RERG: variants seen among roughly 807,000 people sequenced by gnomAD.
RERG encodes the protein RAS like estrogen regulated growth inhibitor, also known as ras-related and estrogen-regulated growth inhibitor.
RERG carries 25 observed loss-of-function variants against 23.2 expected under a neutral mutation model. The ratio of observed to expected loss-of-function variants is 1.08; its 90% CI spans 0.79 to 1.50. RERG has a LOEUF of 1.50. Among genes scored for constraint, RERG ranks in the 40% most tolerant of loss-of-function variants. The pLI is 0.00. For synonymous variants in RERG, 81 were observed against 89.1 expected (o/e 0.91, Z 0.51); for missense variants, 253 against 250.1 (o/e 1.01, Z -0.08).
intron 2 of RERG, among the ~76,000 whole-genome samples, chr12:15,203,214 T>A (rs909598071): frequency 6.6e-6 from 1 of 151,746 alleles, no homozygotes. Context: ...TATCTATTTT[T>A]AAAATTAACC....
intron 2 of RERG, among the ~76,000 whole-genome samples, chr12:15,174,494 G>A (rs1046671041): frequency 2.4e-4 from 36 of 151,092 alleles, no homozygotes; most frequent in Admixed American, 7.9e-4. Context: ...GTGTGTGTGT[G>A]TGTATATATA....
intron 2 of RERG, among the ~76,000 whole-genome samples, chr12:15,177,839 G>GTTTTTTTTTTT (rs11304470): frequency 1.8e-5 from 2 of 112,960 alleles, no homozygotes; most frequent in Non-Finnish European, 3.8e-5. Context: ...CCCTCTGTTT[G>GTTTTTTTTTTT]TTTTTTTTTT....
intron 2 of RERG, among the ~76,000 whole-genome samples, chr12:15,123,643 T>TTAA (rs58082245): frequency 0.7 from 102,861 of 147,902 alleles, 36,037 homozygotes; most frequent in African/African-American, 0.76. Flanking sequence ...TTATTAATTT[T>TTAA]TAAGTTTATT....
chr12:15,193,452 C>T lies in RERG; in HGVS notation c.61+23977G>A, dbSNP rs1251834283. 2.6e-5 allele frequency among the ~76,000 whole-genome samples: 4 copies of T among 152,242 alleles called. No individual in the cohort carries two copies. In the East Asian group the frequency reaches 7.7e-4, roughly 29 times the overall value. On this transcript the variant is annotated intron_variant, in intron 2 of 4. Transcript: ENST00000256953. ...CCACAAGATGTTCCATACCAATCTT[C>T]ATCCCATGCCCCAACCTTGAATCTA...
At chr12:15,125,051 C>G (rs1184542920) in intron 2 of RERG, among the ~76,000 whole-genome samples, 1 of 151,836 alleles carries the variant, frequency 6.6e-6, no homozygotes, top group African/African-American at 2.4e-5. Context: ...TGATTTATAT[C>G]ATTTTCATTC....
chr12:15,201,308 C>G (rs1865211389), intron 2 of RERG, among the ~76,000 whole-genome samples: 1 of 151,796 alleles, frequency 6.6e-6, no homozygotes, highest in African/African-American at 2.4e-5. Context: ...TTCTGTAAAT[C>G]AACTCAGACA....
intron 2 of RERG, among the ~76,000 whole-genome samples, chr12:15,146,488 G>A (rs530289079): frequency 3.0e-4 from 46 of 152,174 alleles, no homozygotes; most frequent in Non-Finnish European, 5.7e-4. Flanking sequence ...CAATGTCCTT[G>A]CAAAATAAGG....
At chr12:15,207,704 A>C (rs1366161529) in intron 2 of RERG, among the ~76,000 whole-genome samples, 1 of 151,948 alleles carries the variant, frequency 6.6e-6, no homozygotes, top group Non-Finnish European at 1.5e-5. Context: ...TGAAAACCTC[A>C]CAGGGGTAAA....
intron 2 of RERG, among the ~76,000 whole-genome samples, chr12:15,137,531 T>C (rs1039892017): frequency 6.2e-4 from 94 of 152,022 alleles, no homozygotes; most frequent in Middle Eastern, 6.8e-3. Context: ...TTTTTTATTA[T>C]ATCGATTTTA....
At chr12:15,130,175 G>C (rs896859124) in intron 2 of RERG, among the ~76,000 whole-genome samples, 6 of 152,082 alleles carry the variant, frequency 3.9e-5, no homozygotes, top group African/African-American at 1.4e-4. Flanking sequence ...TCATGCTCCA[G>C]GTACTGTGCT....
At chr12:15,162,599 T>C (rs1864630608) in intron 2 of RERG, among the ~76,000 whole-genome samples, 1 of 152,086 alleles carries the variant, frequency 6.6e-6, no homozygotes. Flanking sequence ...TGGGTGGGAG[T>C]ATTGAAGTGA....
intron 1 of RERG, among the ~76,000 whole-genome samples, chr12:15,220,987 A>G (rs980451734): frequency 2.0e-5 from 3 of 152,146 alleles, no homozygotes; most frequent in Non-Finnish European, 4.4e-5. Context: ...CTTAAGTCAA[A>G]AGGGCATTTT....
chr12:15,149,270 T>C (rs1330654166), intron 2 of RERG, among the ~76,000 whole-genome samples: 1 of 152,190 alleles, frequency 6.6e-6, no homozygotes, highest in Non-Finnish European at 1.5e-5. Flanking sequence ...CAAGACTTTT[T>C]CATCTATTTT....
chr12:15,198,881 T>C (rs959376491), intron 2 of RERG, among the ~76,000 whole-genome samples: 1 of 152,180 alleles, frequency 6.6e-6, no homozygotes, highest in Non-Finnish European at 1.5e-5. Flanking sequence ...TAGCGAATCA[T>C]GTGACTAGGT....
At chr12:15,174,140 G>C (rs180966970) in intron 2 of RERG, among the ~76,000 whole-genome samples, 268 of 152,026 alleles carry the variant, frequency 1.8e-3, no homozygotes, top group African/African-American at 6.4e-3. Flanking sequence ...CTGTTTGTCT[G>C]GTAGTGTTTA....
intron 2 of RERG, among the ~76,000 whole-genome samples, chr12:15,205,537 T>A (rs61907974): frequency 0.07 from 10,606 of 152,108 alleles, 514 homozygotes; most frequent in Admixed American, 0.12. Flanking sequence ...TGGCTGAGTC[T>A]TCCTTTAAAC....
intron 2 of RERG, among the ~76,000 whole-genome samples, chr12:15,148,779 G>C (rs952692531): frequency 7.1e-6 from 1 of 140,200 alleles, no homozygotes; most frequent in African/African-American, 2.6e-5. Context: ...CTGAAATTTT[G>C]GTCTGTACAT....
At chr12:15,177,394 A>C (rs1295516557) in intron 2 of RERG, among the ~76,000 whole-genome samples, 2 of 152,228 alleles carry the variant, frequency 1.3e-5, no homozygotes, top group African/African-American at 4.8e-5. Flanking sequence ...TGGAGGTTGC[A>C]GTGAGCCAAG....
chr12:15,146,900 C>T (rs1278050557), intron 2 of RERG, among the ~76,000 whole-genome samples: 1 of 152,118 alleles, frequency 6.6e-6, no homozygotes, highest in Non-Finnish European at 1.5e-5. Flanking sequence ...TTAAGCACAT[C>T]AACTTGGAAA....
Sources: gnomAD v4.1 joint callset for allele counts (sites outside exome capture counted in the v4.1 genomes callset) on GRCh38, gnomAD v4.1.1 for gene constraint, MANE v1.5 for transcripts, NCBI Gene and HGNC (gene_info 2026-07-23, HGNC 2026-07-21) for gene names.